LAMC1: variants seen among roughly 807,000 people sequenced by gnomAD.
The protein encoded by LAMC1 is laminin subunit gamma 1.
A neutral mutation model predicts 173.6 loss-of-function variants in LAMC1; 38 were observed. That is an observed-to-expected ratio of 0.22 (90% CI 0.17 to 0.29). LAMC1 has a LOEUF of 0.29. Ranked by LOEUF, LAMC1 falls within the 10% of genes least tolerant of loss-of-function variation. The probability of loss-of-function intolerance (pLI) is 1.00; values close to 1 mark genes in which losing one functional copy is unlikely to be tolerated. For missense variants in LAMC1, 1,824 were observed against 2,051.8 expected (o/e 0.89, Z 2.14); for synonymous variants, 746 against 749.1 (o/e 1.00, Z 0.07).
intron 1 of LAMC1, among the ~76,000 whole-genome samples, chr1:183,024,544 T>A (rs1653630121): frequency 6.6e-6 from 1 of 152,196 alleles, no homozygotes; most frequent in African/African-American, 2.4e-5. Context: ...CTTAAACACT[T>A]TCGCCTTTAA....
At chr1:183,104,733 G>A (rs983407424) in intron 2 of LAMC1, among the ~76,000 whole-genome samples, 2 of 152,110 alleles carry the variant, frequency 1.3e-5, no homozygotes, top group South Asian at 4.1e-4. Flanking sequence ...GGGTTCAGTT[G>A]CCCCCCTTCC....
chr1:183,040,694 G>C (rs1216406900), intron 1 of LAMC1, among the ~76,000 whole-genome samples: 1 of 152,170 alleles, frequency 6.6e-6, no homozygotes, highest in East Asian at 1.9e-4. Context: ...CTGTAACCCG[G>C]GGTGAGCACA....
rs986504284 is a variant in LAMC1, at chr1:183,126,393, A to G, written c.2944+131A>G. On this transcript the variant is annotated intron_variant, in intron 16 of 27. Coordinates refer to ENST00000258341, the MANE Select transcript of LAMC1 (RefSeq NM_002293.4). ...GTCAGGGCTGTACCTAAGTCATCGT[A>G]GATGCTTTATTTGAAGAATATTATC... 1.5e-5 allele frequency: 12 copies of G among 812,852 alleles called. No homozygotes were observed. In the African/African-American group the frequency reaches 1.9e-4, roughly 13 times the overall value. 50.4% of individuals were successfully genotyped at this position (812,852 alleles called of 1,614,324 possible).
chr1:183,126,398 C>G, intron 16 of LAMC1, 136 bp downstream of exon 16: 1 of 783,516 alleles, frequency 1.3e-6, no homozygotes, highest in Non-Finnish European at 2.0e-6. Context: ...ATCGTAGATG[C>G]TTTATTTGAA....
chr1:183,068,413 T>C (rs1654929892), intron 1 of LAMC1, among the ~76,000 whole-genome samples: 1 of 152,216 alleles, frequency 6.6e-6, no homozygotes, highest in Non-Finnish European at 1.5e-5. Context: ...TAGGTGAGCA[T>C]GAAGAAGAAA....
intron 1 of LAMC1, among the ~76,000 whole-genome samples, chr1:183,102,870 T>A (rs1655870512): frequency 1.3e-5 from 2 of 152,204 alleles, no homozygotes; most frequent in Admixed American, 1.3e-4. Flanking sequence ...TCTTTCTGCG[T>A]CAAGAGTAAC....
chr1:183,023,774 G>C lies in LAMC1; in HGVS notation c.58G>C (p.Val20Leu). 1 of 1,448,698 alleles carries C rather than the reference G, an allele frequency of 6.9e-7. No homozygotes were observed. Among genetic ancestry groups the C allele is most frequent in the Non-Finnish European group, 9.1e-7 (1 of 1,099,498 alleles). 89.7% of individuals were successfully genotyped at this position (1,448,698 alleles called of 1,614,324 possible). A position where few individuals can be genotyped will look rare whatever the true frequency, so the allele number is the denominator to read the frequency against. ...GCGGCCCCGGGGGCGGCTCTGGCCC[G>C]TGCTGGCCGTGCTGGCGGCGGCCGC... is the stretch of plus-strand genomic sequence containing the variant. Reference protein sequence around the residue: ...ALRPRGRLWPVLAVLAAAAAA... With the variant: ...ALRPRGRLWPLLAVLAAAAAA... The change falls in exon 1 of 28, where the codon GTG becomes CTG. Residue 20 changes from valine to leucine, a missense_variant. Physicochemically the swap from Val to Leu is conservative, Grantham distance 32. Transcript: ENST00000258341.
chr1:183,043,824 A>C (rs772327661), intron 1 of LAMC1, among the ~76,000 whole-genome samples: 4 of 152,210 alleles, frequency 2.6e-5, no homozygotes, highest in Admixed American at 2.0e-4. Context: ...TTTTAATGAC[A>C]TTACTACCAT....
chr1:183,049,466 T>G (rs1470256595), intron 1 of LAMC1, among the ~76,000 whole-genome samples: 1 of 151,210 alleles, frequency 6.6e-6, no homozygotes, highest in East Asian at 1.9e-4. Flanking sequence ...TTTTTTTGTT[T>G]TTTTTTTTTG....
intron 1 of LAMC1, among the ~76,000 whole-genome samples, chr1:183,066,303 T>TC (rs1369134597): frequency 2.0e-5 from 3 of 152,210 alleles, no homozygotes; most frequent in Non-Finnish European, 4.4e-5. Flanking sequence ...CTGAAAAGCA[T>TC]CTGCCATGCT....
chr1:183,038,116 A>G (rs1350748176), intron 1 of LAMC1, among the ~76,000 whole-genome samples: 1 of 150,588 alleles, frequency 6.6e-6, no homozygotes, highest in African/African-American at 2.4e-5. Context: ...GCTCACTGCA[A>G]CCTCCGCCTC....
At chr1:183,065,068 A>G (rs572173781) in intron 1 of LAMC1, among the ~76,000 whole-genome samples, 1 of 152,126 alleles carries the variant, frequency 6.6e-6, no homozygotes, top group South Asian at 2.1e-4. Flanking sequence ...TTTTCTTATC[A>G]GCATTATAAC....
intron 1 of LAMC1, among the ~76,000 whole-genome samples, chr1:183,037,223 A>G (rs955772826): frequency 1.3e-5 from 2 of 152,220 alleles, no homozygotes; most frequent in African/African-American, 4.8e-5. Context: ...TCTGACAGGA[A>G]AAGTGTACCC....
intron 1 of LAMC1, among the ~76,000 whole-genome samples, chr1:183,049,829 A>C (rs566421310): frequency 7.2e-4 from 110 of 152,280 alleles, no homozygotes; most frequent in East Asian, 4.6e-3. Context: ...CTAAAACAAA[A>C]AAAAAAAATC....
intron 13 of LAMC1, among the ~76,000 whole-genome samples, chr1:183,124,308 T>G (rs533903155): frequency 6.6e-6 from 1 of 152,384 alleles, no homozygotes; most frequent in East Asian, 1.9e-4. Flanking sequence ...TGTGCCATCC[T>G]TTGAGACTGG....
At chr1:183,090,739 A>G (rs1013111488) in intron 1 of LAMC1, among the ~76,000 whole-genome samples, 3 of 152,176 alleles carry the variant, frequency 2.0e-5, no homozygotes, top group East Asian at 1.9e-4. Context: ...TGTCCCAGCT[A>G]CGATTACTGT....
intron 1 of LAMC1, among the ~76,000 whole-genome samples, chr1:183,034,552 T>G (rs1653927111): frequency 6.6e-6 from 1 of 152,204 alleles, no homozygotes; most frequent in South Asian, 2.1e-4. Context: ...ATTACAGGCG[T>G]GAGCCACCGC....
rs186811855 is a variant in LAMC1, at chr1:183,120,110, A to T, written c.1991-1613A>T. On this transcript the variant is annotated intron_variant, in intron 11 of 27. Transcript: ENST00000258341. ...CATGAACCCAAGAGGTCAAGCTCGC[A>T]GTGAGCTGTGATCATGCCGTTGCAC... Among the ~76,000 whole-genome samples, 4 of 140,632 alleles carry T rather than the reference A, an allele frequency of 2.8e-5. No individual in the cohort carries two copies. The East Asian group carries it at 6.9e-4, about 24-fold the overall frequency. The allele number at this position is 140,632 out of a possible 152,430, so 92.3% of individuals were successfully genotyped here.
At position 183,136,436 on chromosome 1, in the gene LAMC1, A is replaced by G. The variant is rs1003942705; in HGVS notation, c.4165A>G (p.Arg1389Gly). The G allele has an allele frequency of 6.2e-7, 1 of 1,614,222 alleles. No individual in the cohort carries two copies. The change falls in exon 25 of 28, where the codon AGG becomes GGG. Residue 1389 changes from arginine to glycine, a missense_variant. By Grantham distance (125) the Arg-to-Gly change is moderately radical. Coordinates refer to ENST00000258341, the MANE Select transcript of LAMC1 (RefSeq NM_002293.4). ...DNKTAAEEAL[R>G]KIPAINQTIT... ...CAAGACGGCCGCAGAGGAGGCACTA[A>G]GGAAGATTCCTGCCATCAACCAGAC...
Sources: gnomAD v4.1 joint callset for allele counts (sites outside exome capture counted in the v4.1 genomes callset) on GRCh38, gnomAD v4.1.1 for gene constraint, MANE v1.5 for transcripts, NCBI Gene and HGNC (gene_info 2026-07-23, HGNC 2026-07-21) for gene names.